SH3RF3: variants seen among roughly 807,000 people sequenced by gnomAD.
The protein encoded by SH3RF3 is SH3 domain containing ring finger 3.
In SH3RF3, 29 loss-of-function variants were observed where a neutral mutation model predicts 66.3. The ratio of observed to expected loss-of-function variants is 0.44; its 90% CI spans 0.33 to 0.60. The LOEUF is 0.60. Among genes scored for constraint, SH3RF3 ranks in the 20% least tolerant of loss-of-function variants. SH3RF3 has a pLI of 0.04. For synonymous variants in SH3RF3, 583 were observed against 532.0 expected (o/e 1.10, Z -1.32); for missense variants, 1,194 against 1,190.9 (o/e 1.00, Z -0.04).
intron 1 of SH3RF3, among the ~76,000 whole-genome samples, chr2:109,245,764 C>T (rs374225913): frequency 6.6e-6 from 1 of 152,270 alleles, no homozygotes; most frequent in Admixed American, 6.5e-5. Flanking sequence ...TGCTATAATT[C>T]CTGGACCTTC....
intron 8 of SH3RF3, among the ~76,000 whole-genome samples, chr2:109,483,129 A>G (rs150359654): frequency 6.6e-6 from 1 of 152,310 alleles, no homozygotes; most frequent in East Asian, 1.9e-4. Context: ...TGTTCTCAGC[A>G]TAACCAGAGA....
At chr2:109,154,835 T>G (rs1677301957) in intron 1 of SH3RF3, among the ~76,000 whole-genome samples, 1 of 152,184 alleles carries the variant, frequency 6.6e-6, no homozygotes, top group African/African-American at 2.4e-5. Context: ...AAGCCCCACT[T>G]TCTGCTATGG....
At chr2:109,419,500 T>C in intron 4 of SH3RF3, 39 bp from the exon 5 acceptor site, 1 of 1,544,644 alleles carries the variant, frequency 6.5e-7, no homozygotes, top group Admixed American at 1.9e-5. Flanking sequence ...GGATGGAGTC[T>C]CTGTCTCCTC....
intron 1 of SH3RF3, among the ~76,000 whole-genome samples, chr2:109,239,253 G>A (rs1216601677): frequency 6.6e-6 from 1 of 152,216 alleles, no homozygotes; most frequent in South Asian, 2.1e-4. Flanking sequence ...GCTCACCTGG[G>A]TTTCTCACAT....
chr2:109,259,684 G>T (rs760491759), intron 1 of SH3RF3, among the ~76,000 whole-genome samples: 1 of 152,208 alleles, frequency 6.6e-6, no homozygotes, highest in Non-Finnish European at 1.5e-5. Flanking sequence ...TTGCTCTCAC[G>T]GCCTACGGAA....
chr2:109,173,810 C>A (rs955302522), intron 1 of SH3RF3, among the ~76,000 whole-genome samples: 7 of 152,196 alleles, frequency 4.6e-5, no homozygotes, highest in Admixed American at 4.6e-4. Context: ...CAAAGGCATG[C>A]GATGGGGCTG....
intron 2 of SH3RF3, 92 bp from the exon 3 acceptor site, chr2:109,371,494 C>A: frequency 1.0e-6 from 1 of 1,001,934 alleles, no homozygotes; most frequent in Non-Finnish European, 1.5e-6. Flanking sequence ...GGAATCTCTT[C>A]CGAGCCTCCA....
In SH3RF3 at chr2:109,165,795, G is replaced by C. The variant is rs189192202; in HGVS notation, c.573+35682G>C. Among the ~76,000 whole-genome samples, 201 of 152,230 alleles carry C rather than the reference G, an allele frequency of 1.3e-3. 1 individual carries two copies. Among genetic ancestry groups the C allele is most frequent in the Non-Finnish European group, 4.6e-4 (31 of 68,022 alleles). On this transcript the variant is annotated intron_variant, in intron 1 of 9. Coordinates refer to ENST00000309415, the MANE Select transcript of SH3RF3 (RefSeq NM_001099289.3). ...TTAAGAATCATCATTTAGCATGAGT[G>C]TGTTAAATGAGTTTATTTCAGCACA... is the stretch of plus-strand genomic sequence containing the variant.
At chr2:109,257,414 G>GGGAA (rs1680247370) in intron 1 of SH3RF3, among the ~76,000 whole-genome samples, 1 of 151,784 alleles carries the variant, frequency 6.6e-6, no homozygotes, top group Admixed American at 6.6e-5. Context: ...AAGGGAAGGA[G>GGGAA]GGAAGGAAGG....
intron 1 of SH3RF3, among the ~76,000 whole-genome samples, chr2:109,203,221 AGCCTCTTCAGAGAGCCCCAGG>A (rs1223942773): frequency 6.6e-6 from 1 of 152,200 alleles, no homozygotes; most frequent in East Asian, 1.9e-4. Context: ...GAGAGCCAGG[AGCCTCTTCAGAGAGCCCCAGG>A]GCAGCATCAG....
chr2:109,358,982 A>C (rs778943439), intron 2 of SH3RF3, among the ~76,000 whole-genome samples: 89 of 152,032 alleles, frequency 5.9e-4, no homozygotes, highest in South Asian at 1.5e-3. Flanking sequence ...GTTTATTTCT[A>C]GATTTTTTGC....
At chr2:109,220,059 T>C (rs893843193) in intron 1 of SH3RF3, among the ~76,000 whole-genome samples, 7 of 152,228 alleles carry the variant, frequency 4.6e-5, no homozygotes, top group East Asian at 1.9e-4. Context: ...AACTATGTTA[T>C]TAGCATAAGG....
intron 1 of SH3RF3, among the ~76,000 whole-genome samples, chr2:109,224,117 A>G (rs1001271899): frequency 1.3e-5 from 2 of 152,166 alleles, no homozygotes; most frequent in African/African-American, 4.8e-5. Context: ...CACAAAAAGA[A>G]ACTGAGGCCT....
chr2:109,210,227 C>T (rs1473511548), intron 1 of SH3RF3, among the ~76,000 whole-genome samples: 4 of 152,350 alleles, frequency 2.6e-5, no homozygotes, highest in East Asian at 3.9e-4. Context: ...TTGGGTGTTT[C>T]TGCCTTTTGG....
intron 3 of SH3RF3, among the ~76,000 whole-genome samples, chr2:109,398,288 A>G (rs890075841): frequency 6.6e-6 from 1 of 152,176 alleles, no homozygotes; most frequent in South Asian, 2.1e-4. Context: ...GGCACCGTGC[A>G]TCCCAGAAAT....
chr2:109,322,861 A>G (rs1682059042), intron 1 of SH3RF3, among the ~76,000 whole-genome samples: 1 of 152,196 alleles, frequency 6.6e-6, no homozygotes, highest in Non-Finnish European at 1.5e-5. Flanking sequence ...TATTGCTATC[A>G]ATTAAAGTTC....
chr2:109,496,000 G>A (rs1378001343), intron 9 of SH3RF3, among the ~76,000 whole-genome samples: 1 of 152,212 alleles, frequency 6.6e-6, no homozygotes, highest in Non-Finnish European at 1.5e-5. Context: ...TTGAGCCACA[G>A]ACCTTCGCGG....
chr2:109,146,790 GCCC>G (rs111312265), intron 1 of SH3RF3, among the ~76,000 whole-genome samples: 1 of 116,244 alleles, frequency 8.6e-6, no homozygotes, highest in Non-Finnish European at 1.7e-5. Flanking sequence ...TTTCTTTAGT[GCCC>G]CCCCCATTCC....
intron 1 of SH3RF3, among the ~76,000 whole-genome samples, chr2:109,154,803 A>C (rs1677300291): frequency 6.6e-6 from 1 of 152,106 alleles, no homozygotes; most frequent in Non-Finnish European, 1.5e-5. Context: ...GGTGACACCA[A>C]CCTGCTGCAT....
Sources: gnomAD v4.1 joint callset for allele counts (sites outside exome capture counted in the v4.1 genomes callset) on GRCh38, gnomAD v4.1.1 for gene constraint, MANE v1.5 for transcripts, NCBI Gene and HGNC (gene_info 2026-07-23, HGNC 2026-07-21) for gene names.